SGK1: variants seen among roughly 807,000 people sequenced by gnomAD.
SGK1 encodes serine/threonine-protein kinase Sgk1.
Under a neutral mutation model 64.2 loss-of-function variants are expected in SGK1, and 26 were observed. That is an observed-to-expected ratio of 0.40 (90% CI 0.30 to 0.56). The LOEUF (loss-of-function observed/expected upper bound fraction) is 0.56, where lower values mean the gene tolerates loss of function less well. Among genes scored for constraint, SGK1 ranks in the 20% least tolerant of loss-of-function variants. SGK1 has a pLI of 0.38. For missense variants in SGK1, 519 were observed against 645.6 expected (o/e 0.80, Z 2.12); for synonymous variants, 265 against 239.7 (o/e 1.11, Z -0.98).
intron 1 of SGK1, among the ~76,000 whole-genome samples, chr6:134,313,439 G>C (rs537209950): frequency 6.6e-6 from 1 of 152,070 alleles, no homozygotes; most frequent in African/African-American, 2.4e-5. Context: ...TCACTATGCC[G>C]TTAGTTTCAT....
At chr6:134,220,149 TGG>T (rs939687090) in intron 2 of SGK1, among the ~76,000 whole-genome samples, 1 of 149,382 alleles carries the variant, frequency 6.7e-6, no homozygotes, top group Non-Finnish European at 1.5e-5. Flanking sequence ...ATTTGTGGCA[TGG>T]TGTTTTGTAG....
At chr6:134,297,425 A>G in intron 1 of SGK1, 1 of 705,050 alleles carries the variant, frequency 1.4e-6, no homozygotes, top group Non-Finnish European at 2.6e-6. Context: ...CTGCGATGGC[A>G]GTCTCCAGGG....
rs547133479 is a variant in SGK1, at chr6:134,268,215, G to C, written c.70-6067C>G. ...TTTACTGGAGGGAGTAGCTGACTGT[G>C]AGTGGCTTTGGGAGCCCTTCATAAC... On this transcript the variant is annotated intron_variant, in intron 1 of 13. Coordinates refer to ENST00000367858, the MANE Select transcript of SGK1 (RefSeq NM_001143676.3). Among the ~76,000 whole-genome samples, 37 of 152,294 alleles carry C rather than the reference G, an allele frequency of 2.4e-4. 1 individual carries two copies. In the South Asian group the frequency reaches 7.5e-3, roughly 31 times the overall value.
intron 2 of SGK1, among the ~76,000 whole-genome samples, chr6:134,235,541 T>TTTTTTTTATTTA (rs1554223227): frequency 1.1e-5 from 1 of 92,122 alleles, no homozygotes; most frequent in African/African-American, 4.4e-5. Context: ...AAATAGATAT[T>TTTTTTTTATTTA]TTTATTTATT....
chr6:134,181,199 C>T (rs1334134742), intron 3 of SGK1, among the ~76,000 whole-genome samples: 1 of 152,166 alleles, frequency 6.6e-6, no homozygotes. Context: ...TCTCTTTCAC[C>T]CCCACTTTAT....
intron 2 of SGK1, chr6:134,261,385 T>C (rs1776764820): frequency 6.0e-6 from 1 of 165,900 alleles, no homozygotes; most frequent in South Asian, 1.8e-4. Context: ...TGGACCCACG[T>C]AAAACATTAA....
chr6:134,179,143 A>T (rs1274080047), intron 3 of SGK1, among the ~76,000 whole-genome samples: 1 of 152,142 alleles, frequency 6.6e-6, no homozygotes, highest in African/African-American at 2.4e-5. Flanking sequence ...TTTGAAAAAT[A>T]TTTTTTATAA....
chr6:134,287,430 T>C (rs1043727309), intron 1 of SGK1, among the ~76,000 whole-genome samples: 1 of 151,280 alleles, frequency 6.6e-6, no homozygotes, highest in Non-Finnish European at 1.5e-5. Flanking sequence ...TGATTGTTTA[T>C]ATAGATAAGA....
intron 3 of SGK1, among the ~76,000 whole-genome samples, chr6:134,196,517 C>T (rs1775596743): frequency 1.3e-5 from 2 of 152,102 alleles, no homozygotes; most frequent in African/African-American, 4.8e-5. Context: ...CCCAAAGTCA[C>T]ACAGGTAGTA....
chr6:134,173,103 G>A lies in SGK1; in HGVS notation c.754C>T (p.Pro252Ser). The A allele has an allele frequency of 2.5e-6, 4 of 1,613,992 alleles. No homozygotes were observed. Among genetic ancestry groups the A allele is most frequent in the Non-Finnish European group, 3.4e-6 (4 of 1,179,902 alleles). The change falls in exon 8 of 14, where the codon CCT becomes TCT. Residue 252 changes from proline (P) to serine (S), a missense_variant. Physicochemically the swap from Pro to Ser is moderately conservative, Grantham distance 74. Coordinates refer to ENST00000367858, the MANE Select transcript of SGK1 (RefSeq NM_001143676.3). The stretch of plus-strand genomic sequence containing the variant: ...GAGAAGTGAAGGCCCACCAGGAAAG[G>A]GTGCTTCACATTCTTCAACAGAACA... ...RNVLLKNVKH[P>S]FLVGLHFSFQ...
intron 3 of SGK1, among the ~76,000 whole-genome samples, chr6:134,178,186 T>C (rs1775277817): frequency 6.6e-6 from 1 of 152,096 alleles, no homozygotes; most frequent in African/African-American, 2.4e-5. Context: ...TGATTTGTGG[T>C]TGGAAAAGAA....
chr6:134,191,678 T>G lies in SGK1; in HGVS notation c.361+15678A>C, dbSNP rs9493851. Reference sequence around the variant, plus strand: ...TGTTTTGTTTTTTTGTTTTTGTTTTTTTTTTTTTGAGACGAAGTCTCACTC... The same window carrying G: ...TGTTTTGTTTTTTTGTTTTTGTTTTGTTTTTTTTGAGACGAAGTCTCACTC... On this transcript the variant is annotated intron_variant, in intron 3 of 13. Coordinates refer to ENST00000367858, the MANE Select transcript of SGK1 (RefSeq NM_001143676.3). Among the ~76,000 whole-genome samples the G allele has an allele frequency of 3.6e-3, 541 of 151,770 alleles. 1 individual carries two copies. The highest frequency in any genetic ancestry group is 0.012 in the African/African-American group (512 of 41,430).
chr6:134,230,922 G>A lies in SGK1; in HGVS notation c.286-23491C>T, dbSNP rs142164300. On this transcript the variant is annotated intron_variant, in intron 2 of 13. Transcript: ENST00000367858. ...CCAGCTACTCGGGAGGCTAAGGCAG[G>A]AGAATCACTTGAACCTGGGAGGCAG... Among the ~76,000 whole-genome samples the A allele has an allele frequency of 2.3e-3, 355 of 152,302 alleles. 5 individuals are homozygous for A. The highest frequency in any genetic ancestry group is 8.2e-3 in the African/African-American group (339 of 41,568).
intron 3 of SGK1, among the ~76,000 whole-genome samples, chr6:134,197,187 C>T (rs540331160): frequency 6.6e-6 from 1 of 152,244 alleles, no homozygotes; most frequent in South Asian, 2.1e-4. Context: ...AAGCCGTGAT[C>T]GCACTACCGC....
chr6:134,214,517 G>C (rs1414522981), intron 2 of SGK1, among the ~76,000 whole-genome samples: 1 of 151,932 alleles, frequency 6.6e-6, no homozygotes, highest in Admixed American at 6.6e-5. Context: ...CTTGAACCTG[G>C]GAGGCGGATG....
chr6:134,276,229 C>A (rs1339306752), intron 1 of SGK1, among the ~76,000 whole-genome samples: 1 of 152,150 alleles, frequency 6.6e-6, no homozygotes, highest in African/African-American at 2.4e-5. Flanking sequence ...TTTCAAGGCA[C>A]AGGGAATGAC....
chr6:134,224,761 G>A (rs745400229), intron 2 of SGK1, among the ~76,000 whole-genome samples: 13 of 151,958 alleles, frequency 8.6e-5, no homozygotes, highest in Admixed American at 2.0e-4. Context: ...AGTGTCTCAC[G>A]CCTGTAATCC....
chr6:134,241,173 C>T (rs1776442129), intron 2 of SGK1, among the ~76,000 whole-genome samples: 1 of 151,492 alleles, frequency 6.6e-6, no homozygotes, highest in Admixed American at 6.6e-5. Context: ...CCTAAGCCTC[C>T]TGAGTAGCTG....
intron 3 of SGK1, among the ~76,000 whole-genome samples, chr6:134,195,796 G>A (rs1394004818): frequency 6.6e-6 from 1 of 152,144 alleles, no homozygotes; most frequent in African/African-American, 2.4e-5. Context: ...TATCAGTTTT[G>A]TGTCTGGGGC....
Sources: allele counts gnomAD v4.1 joint callset (sites outside exome capture counted in the v4.1 genomes callset), GRCh38; gene constraint gnomAD v4.1.1; transcripts MANE v1.5; gene names NCBI Gene and HGNC (gene_info 2026-07-23, HGNC 2026-07-21).